Variants in MAGI1 observed in about 807,000 individuals in gnomAD.
MAGI1 encodes the protein membrane associated guanylate kinase, WW and PDZ domain containing 1.
In MAGI1, 58 loss-of-function variants were observed where a neutral mutation model predicts 139.9. The ratio of observed to expected loss-of-function variants is 0.41; its 90% CI spans 0.34 to 0.52. The LOEUF (loss-of-function observed/expected upper bound fraction) is 0.52. MAGI1 is among the 20% of genes least tolerant of loss of function. MAGI1 has a pLI of 0.12. For missense variants in MAGI1, 1,874 were observed against 1,901.6 expected (o/e 0.99, Z 0.27); for synonymous variants, 812 against 737.9 (o/e 1.10, Z -1.63).
intron 1 of MAGI1, among the ~76,000 whole-genome samples, chr3:65,840,811 G>T (rs955527404): frequency 6.6e-6 from 1 of 152,184 alleles, no homozygotes; most frequent in African/African-American, 2.4e-5. Context: ...CATAAAGTGA[G>T]TTAGAATTAT....
At chr3:65,789,988 G>C (rs2039652468) in intron 1 of MAGI1, among the ~76,000 whole-genome samples, 1 of 152,096 alleles carries the variant, frequency 6.6e-6, no homozygotes, top group South Asian at 2.1e-4. Flanking sequence ...ATTATAAGCA[G>C]AATCAGTAAT....
At chr3:65,941,783 CTGT>C (rs945738361) in intron 1 of MAGI1, among the ~76,000 whole-genome samples, 6 of 152,222 alleles carry the variant, frequency 3.9e-5, no homozygotes, top group East Asian at 1.9e-4. Context: ...TATTAACTTT[CTGT>C]TGTTGTTGTT....
rs775050181 is a variant in MAGI1, at chr3:65,622,064, C to T, written c.338G>A (p.Arg113Gln). Residue 113 changes from arginine to glutamine, a missense_variant, in exon 2 of 23, where the codon CGA (arginine) becomes CAA (glutamine). Transcript: ENST00000402939. ...RQGGRLNKDLRHFLNQRFQKG... is the reference protein window; with the variant it reads ...RQGGRLNKDLQHFLNQRFQKG... ...CTGGAATCGCTGATTGAGAAAATGT[C>T]GCAGGTCCTTGTTCAGCCTTCCTCC... 1.7e-5 allele frequency: 28 copies of T among 1,613,726 alleles called. No individual in the cohort carries two copies. The highest frequency in any genetic ancestry group is 9.9e-5 in the South Asian group (9 of 91,068).
intron 1 of MAGI1, among the ~76,000 whole-genome samples, chr3:65,774,720 T>C (rs264100): frequency 0.15 from 22,263 of 152,106 alleles, 2,228 homozygotes; most frequent in South Asian, 0.38. Context: ...ATGGAACATA[T>C]AGATCACAAG....
intron 7 of MAGI1, among the ~76,000 whole-genome samples, chr3:65,443,614 G>T (rs1417453065): frequency 6.6e-6 from 1 of 152,128 alleles, no homozygotes; most frequent in African/African-American, 2.4e-5. Context: ...GTCTGAACAA[G>T]AATCTGTTGT....
intron 2 of MAGI1, among the ~76,000 whole-genome samples, chr3:65,611,269 T>G (rs952381288): frequency 2.1e-5 from 3 of 141,776 alleles, no homozygotes; most frequent in Admixed American, 7.3e-5. Context: ...ATAGTATATA[T>G]ACTATAAATA....
chr3:65,779,209 G>C (rs550108954), intron 1 of MAGI1, among the ~76,000 whole-genome samples: 2 of 152,248 alleles, frequency 1.3e-5, no homozygotes, highest in South Asian at 2.1e-4. Flanking sequence ...TTACGCTTCA[G>C]TACACATTAC....
chr3:65,546,014 A>ACT (rs1553665212), intron 2 of MAGI1, among the ~76,000 whole-genome samples: 26,918 of 151,160 alleles, frequency 0.18, 2,541 homozygotes, highest in African/African-American at 0.24. Flanking sequence ...ACACACACAC[A>ACT]CTCTCAAACT....
At chr3:65,359,935 A>G in intron 22 of MAGI1, 1 of 985,410 alleles carries the variant, frequency 1.0e-6, no homozygotes, top group Non-Finnish European at 1.2e-6. Context: ...TTTCAGTGGT[A>G]TCAATACACC....
rs146873305 is a variant in MAGI1 at position 65,695,142 on chromosome 3, T to A, written c.314-73054A>T. Among the ~76,000 whole-genome samples, 5 of 152,304 alleles carry A rather than the reference T, an allele frequency of 3.3e-5. No homozygotes were observed. The East Asian group carries it at 9.6e-4, about 29-fold the overall frequency. ...CATTCTCTTCTACTCCCCTGAACAATTCTCTTCAACAGAGATAACCGATAA... is the reference window on the plus strand; with the variant it reads ...CATTCTCTTCTACTCCCCTGAACAAATCTCTTCAACAGAGATAACCGATAA... On this transcript the variant is annotated intron_variant, in intron 1 of 22. Transcript: ENST00000402939.
At chr3:65,706,347 C>T (rs2030285768) in intron 1 of MAGI1, among the ~76,000 whole-genome samples, 1 of 152,210 alleles carries the variant, frequency 6.6e-6, no homozygotes, top group Admixed American at 6.5e-5. Flanking sequence ...TCTTAAAAGC[C>T]TCACTGGGAT....
At chr3:65,472,990 G>T (rs1016779351) in intron 4 of MAGI1, among the ~76,000 whole-genome samples, 2 of 152,138 alleles carry the variant, frequency 1.3e-5, no homozygotes, top group Non-Finnish European at 2.9e-5. Context: ...TACTGATGTG[G>T]GCAAAGTACT....
intron 22 of MAGI1, chr3:65,359,771 C>G: frequency 2.0e-6 from 2 of 985,606 alleles, no homozygotes; most frequent in Non-Finnish European, 2.4e-6. Context: ...TTATTTTTAG[C>G]CCAAAGAACA....
At chr3:65,756,282 T>C (rs746796039) in intron 1 of MAGI1, among the ~76,000 whole-genome samples, 3 of 152,200 alleles carry the variant, frequency 2.0e-5, no homozygotes, top group Non-Finnish European at 4.4e-5. Flanking sequence ...GTGTGCATTT[T>C]TACACAGCAT....
rs149468264 is a variant in MAGI1, at chr3:65,379,345, C to A, written c.2911G>T (p.Val971Leu). The change falls in exon 17 of 23, where the codon GTG (valine) becomes TTG (leucine). Residue 971 changes from valine (V) to leucine (L), a missense_variant. Val to Leu is a conservative substitution (Grantham distance 32). Around this residue, in one of 5 missense-constraint regions of MAGI1, gnomAD observed 482 missense variants for 509.6 expected, o/e 0.95. Coordinates refer to ENST00000402939, the MANE Select transcript of MAGI1 (RefSeq NM_001033057.2). Reference protein sequence around the residue: ...VVSTVVQPYDVEIRRGENEGF... With the variant: ...VVSTVVQPYDLEIRRGENEGF... The stretch of plus-strand genomic sequence containing the variant: ...TCGTTCTCCCCGCGCCGGATCTCCA[C>A]GTCGTAGGGCTGCACCACGGTGCTG... 1 of 1,613,270 alleles carries A rather than the reference C, an allele frequency of 6.2e-7. No homozygotes were observed. Among genetic ancestry groups the A allele is most frequent in the Admixed American group, 1.7e-5 (1 of 59,930 alleles).
At chr3:65,671,965 G>A (rs943432641) in intron 1 of MAGI1, among the ~76,000 whole-genome samples, 6 of 151,986 alleles carry the variant, frequency 3.9e-5, no homozygotes, top group African/African-American at 1.5e-4. Flanking sequence ...TACAAAATTG[G>A]GCACAATTAT....
intron 2 of MAGI1, among the ~76,000 whole-genome samples, chr3:65,572,524 C>G (rs1422390547): frequency 1.3e-5 from 2 of 152,080 alleles, no homozygotes; most frequent in African/African-American, 4.8e-5. Flanking sequence ...TCACAGACAT[C>G]TATCCTTCAA....
intron 1 of MAGI1, among the ~76,000 whole-genome samples, chr3:65,898,575 T>C (rs1311459242): frequency 6.6e-6 from 1 of 152,186 alleles, no homozygotes; most frequent in Admixed American, 6.5e-5. Context: ...CATGGCTCCT[T>C]CATTTGCTAT....
intron 1 of MAGI1, among the ~76,000 whole-genome samples, chr3:65,629,708 C>G (rs1173354674): frequency 1.3e-5 from 2 of 152,114 alleles, no homozygotes; most frequent in Non-Finnish European, 2.9e-5. Context: ...TGAGCTTTAT[C>G]TGAAAAGGAT....
Sources: gnomAD v4.1 joint callset for allele counts (sites outside exome capture counted in the v4.1 genomes callset) on GRCh38, gnomAD v4.1.1 for gene constraint, gnomAD v4.1.1 regional missense constraint, MANE v1.5 for transcripts, NCBI Gene and HGNC (gene_info 2026-07-23, HGNC 2026-07-21) for gene names.